KIAA1217: variants seen among roughly 807,000 people sequenced by gnomAD.
The protein encoded by KIAA1217 is sickle tail protein homolog.
Under a neutral mutation model 163.9 loss-of-function variants are expected in KIAA1217, and 88 were observed. The observed-to-expected ratio is 0.54, with a 90% confidence interval of 0.45 to 0.64. The LOEUF is 0.64. KIAA1217 is among the 30% of genes least tolerant of loss of function. The pLI is 0.00. For synonymous variants in KIAA1217, 903 were observed against 923.1 expected (o/e 0.98, Z 0.39); for missense variants, 2,372 against 2,475.0 (o/e 0.96, Z 0.88).
intron 1 of KIAA1217, among the ~76,000 whole-genome samples, chr10:24,215,514 T>C (rs1028715850): frequency 6.6e-6 from 1 of 152,224 alleles, no homozygotes; most frequent in Non-Finnish European, 1.5e-5. Flanking sequence ...TCTCTATTCA[T>C]GTGGATAATG....
In KIAA1217 at chr10:24,546,375, CA is replaced by C; in HGVS notation, c.*52del. 1 of 1,493,264 alleles carries C rather than the reference CA, an allele frequency of 6.7e-7. No individual in the cohort carries two copies. Among genetic ancestry groups the C allele is most frequent in the Non-Finnish European group, 9.0e-7 (1 of 1,111,066 alleles). 92.5% of individuals were successfully genotyped at this position (1,493,264 alleles called of 1,614,324 possible). A position where few individuals can be genotyped will look rare whatever the true frequency, so the allele number is the denominator to read the frequency against. ...CGGAGTTACATTTAAAAAAAATTAACAGTCTACAACAACTGTTTTCACAAGA... is the reference window on the plus strand; with the variant it reads ...CGGAGTTACATTTAAAAAAAATTAACGTCTACAACAACTGTTTTCACAAGA... On this transcript the variant is annotated 3_prime_UTR_variant, in exon 21 of 21. Coordinates refer to ENST00000376454, the MANE Select transcript of KIAA1217 (RefSeq NM_019590.5).
intron 2 of KIAA1217, among the ~76,000 whole-genome samples, chr10:24,316,298 G>A (rs1222221112): frequency 6.6e-6 from 1 of 152,118 alleles, no homozygotes; most frequent in African/African-American, 2.4e-5. Flanking sequence ...AAGGGCAGAG[G>A]GATGGTGTTA....
chr10:24,140,011 T>A (rs2131829614), intron 2 of KIAA1217, among the ~76,000 whole-genome samples: 1 of 151,976 alleles, frequency 6.6e-6, no homozygotes, highest in South Asian at 2.1e-4. Context: ...GCATACTTTT[T>A]TTTTTTCCCC....
chr10:24,050,550 A>T (rs926284624), intron 2 of KIAA1217, among the ~76,000 whole-genome samples: 1 of 152,230 alleles, frequency 6.6e-6, no homozygotes, highest in Middle Eastern at 3.4e-3. Context: ...AACACCATTT[A>T]TTAAATAGGA....
chr10:24,513,866 A>T (rs2069610487), intron 10 of KIAA1217, among the ~76,000 whole-genome samples: 1 of 152,164 alleles, frequency 6.6e-6, no homozygotes, highest in Non-Finnish European at 1.5e-5. Context: ...TAAAAGGAGT[A>T]AATGGCAAAA....
intron 3 of KIAA1217, among the ~76,000 whole-genome samples, chr10:24,407,673 G>A (rs193149047): frequency 3.9e-4 from 60 of 152,138 alleles, no homozygotes; most frequent in African/African-American, 1.4e-3. Flanking sequence ...TCATCAAAAC[G>A]AAGGCAGACA....
chr10:24,516,651 G>A (rs534186917), intron 10 of KIAA1217, among the ~76,000 whole-genome samples: 103 of 152,336 alleles, frequency 6.8e-4, no homozygotes, highest in Non-Finnish European at 1.1e-3. Flanking sequence ...GTATTGGAGA[G>A]AGGTCCCTCT....
chr10:24,299,022 A>T (rs1327061794), intron 2 of KIAA1217, among the ~76,000 whole-genome samples: 1 of 152,158 alleles, frequency 6.6e-6, no homozygotes, highest in Non-Finnish European at 1.5e-5. Context: ...GCAGGGTCAG[A>T]ATGAATATTA....
At chr10:23,760,244 A>G (rs1368649042) in intron 1 of KIAA1217, among the ~76,000 whole-genome samples, 1 of 141,822 alleles carries the variant, frequency 7.1e-6, no homozygotes, top group East Asian at 1.9e-4. Context: ...GCTCCCTTTC[A>G]CACTAGGCAT....
At chr10:24,379,374 A>G (rs2052978346) in intron 2 of KIAA1217, among the ~76,000 whole-genome samples, 1 of 152,252 alleles carries the variant, frequency 6.6e-6, no homozygotes, top group Non-Finnish European at 1.5e-5. Context: ...CAGAAAAATT[A>G]ACCAAAGGAG....
intron 2 of KIAA1217, among the ~76,000 whole-genome samples, chr10:24,177,292 T>A (rs1293928400): frequency 2.9e-5 from 2 of 69,656 alleles, no homozygotes; most frequent in Non-Finnish European, 7.4e-5. Flanking sequence ...TATATATATA[T>A]ATATATTACA....
At chr10:24,370,196 C>T (rs958660194) in intron 2 of KIAA1217, among the ~76,000 whole-genome samples, 3 of 142,626 alleles carry the variant, frequency 2.1e-5, no homozygotes, top group Non-Finnish European at 3.0e-5. Context: ...ACCCGGGAGG[C>T]GGAGCCTGCA....
chr10:24,180,298 T>A (rs900610834), intron 2 of KIAA1217, among the ~76,000 whole-genome samples: 1 of 147,400 alleles, frequency 6.8e-6, no homozygotes, highest in Non-Finnish European at 1.5e-5. Flanking sequence ...TTTTTTTTTT[T>A]TTTTTTGAGA....
intron 3 of KIAA1217, among the ~76,000 whole-genome samples, chr10:24,405,812 C>G (rs1004137151): frequency 6.6e-6 from 1 of 152,124 alleles, no homozygotes; most frequent in Non-Finnish European, 1.5e-5. Context: ...AATATTTGAA[C>G]CCAGGGCTCT....
chr10:24,171,382 T>G (rs1294624946), intron 2 of KIAA1217, among the ~76,000 whole-genome samples: 1 of 152,234 alleles, frequency 6.6e-6, no homozygotes, highest in African/African-American at 2.4e-5. Flanking sequence ...AAAGTCTTCA[T>G]GAAATACTTT....
chr10:24,301,103 G>A (rs573723801), intron 2 of KIAA1217, among the ~76,000 whole-genome samples: 6 of 152,230 alleles, frequency 3.9e-5, no homozygotes, highest in South Asian at 2.1e-4. Context: ...GTGAGCCCCC[G>A]CAACTGGCCA....
At chr10:24,069,168 C>T (rs374737170) in intron 2 of KIAA1217, among the ~76,000 whole-genome samples, 2 of 152,152 alleles carry the variant, frequency 1.3e-5, no homozygotes, top group African/African-American at 4.8e-5. Flanking sequence ...TCTCTGGAGT[C>T]ATCAAAGGCT....
In KIAA1217 at chr10:24,227,188, C is replaced by T. The variant is rs182487564; in HGVS notation, c.354+7279C>T. On this transcript the variant is annotated intron_variant, in intron 2 of 20. Transcript: ENST00000376454. ...TTATCATTATTTTGAGACAGAGTCT[C>T]GCTCTGTCACCCAGGCTGGAGTGCA... 1.2e-3 allele frequency among the ~76,000 whole-genome samples: 184 copies of T among 151,090 alleles called. 1 individual carries two copies. Among genetic ancestry groups the T allele is most frequent in the African/African-American group, 4.4e-3 (180 of 40,964 alleles).
chr10:24,306,301 C>A (rs1012372862), intron 2 of KIAA1217, among the ~76,000 whole-genome samples: 2 of 152,168 alleles, frequency 1.3e-5, no homozygotes, highest in African/African-American at 4.8e-5. Flanking sequence ...ATAATTCACA[C>A]CTTTGTACAT....
Sources: allele counts gnomAD v4.1 joint callset (sites outside exome capture counted in the v4.1 genomes callset), GRCh38; gene constraint gnomAD v4.1.1; transcripts MANE v1.5; gene names NCBI Gene and HGNC (gene_info 2026-07-23, HGNC 2026-07-21).